FTCDNL1: variants seen among roughly 807,000 people sequenced by gnomAD.
FTCDNL1 encodes formiminotransferase N-terminal subdomain-containing protein.
In FTCDNL1, 11 loss-of-function variants were observed where a neutral mutation model predicts 5.9. The observed-to-expected ratio is 1.87, with a 90% CI of 1.18 to 3.10. FTCDNL1 has a LOEUF of 3.10. Among genes scored for constraint, FTCDNL1 ranks in the 30% most tolerant of loss-of-function variants. The pLI is 0.00. For missense variants in FTCDNL1, 115 were observed against 65.5 expected, an observed-to-expected ratio of 1.76 and a Z score of -2.61; for synonymous variants, 58 against 24.8, an observed-to-expected ratio of 2.34 and a Z score of -3.99.
the FTCDNL1 span, among the ~76,000 whole-genome samples, chr2:199,692,769 G>A: frequency 2.7e-5 from 4 of 145,624 alleles, no homozygotes; most frequent in African/African-American, 8.5e-5. Context: ...AATAAACTAT[G>A]TACCTCATAA....
chr2:199,814,778 T>C (rs568991359), intron 4 of FTCDNL1, among the ~76,000 whole-genome samples: 1 of 152,340 alleles, frequency 6.6e-6, no homozygotes, highest in East Asian at 1.9e-4. Flanking sequence ...AAAACGAGAC[T>C]CATTCTAAAA....
chr2:199,804,798 G>T (rs4564759), downstream of FTCDNL1, among the ~76,000 whole-genome samples: 2 of 152,110 alleles, frequency 1.3e-5, no homozygotes, highest in African/African-American at 4.8e-5. Flanking sequence ...AAGCCAGTCT[G>T]AACCCAATCA....
the FTCDNL1 span, among the ~76,000 whole-genome samples, chr2:199,747,641 CT>C: frequency 4.6e-5 from 7 of 151,650 alleles, no homozygotes; most frequent in African/African-American, 1.5e-4. Flanking sequence ...TCCAGGACCC[CT>C]TTTCCCCGGA....
intron 3 of FTCDNL1, among the ~76,000 whole-genome samples, chr2:199,836,688 T>C (rs1300780122): frequency 6.6e-6 from 1 of 151,830 alleles, no homozygotes; most frequent in Non-Finnish European, 1.5e-5. Flanking sequence ...ATCACTTGAG[T>C]CTGGAAGGTC....
At chr2:199,721,014 T>C in the FTCDNL1 span, among the ~76,000 whole-genome samples, 1 of 152,234 alleles carries the variant, frequency 6.6e-6, no homozygotes, top group African/African-American at 2.4e-5. Flanking sequence ...CCAGGTTTTC[T>C]GCAAATTTCA....
chr2:199,779,204 G>A (rs547697361), intron 3 of FTCDNL1, among the ~76,000 whole-genome samples: 126 of 152,256 alleles, frequency 8.3e-4, no homozygotes, highest in African/African-American at 3.0e-3. Context: ...TATCGGCTGG[G>A]CAAAAGACTA....
intron 3 of FTCDNL1, among the ~76,000 whole-genome samples, chr2:199,842,019 G>A (rs938650644): frequency 3.3e-5 from 5 of 152,072 alleles, no homozygotes; most frequent in African/African-American, 1.2e-4. Flanking sequence ...AGCACTTTGG[G>A]AGGCCGAGGC....
the FTCDNL1 span, among the ~76,000 whole-genome samples, chr2:199,724,857 CTGT>C: frequency 6.6e-6 from 1 of 152,006 alleles, no homozygotes; most frequent in Non-Finnish European, 1.5e-5. Context: ...AATGTATATT[CTGT>C]TGTTTTTGGG....
At chr2:199,767,058 T>TA (rs1698572257) in intron 3 of FTCDNL1, among the ~76,000 whole-genome samples, 2 of 152,266 alleles carry the variant, frequency 1.3e-5, no homozygotes, top group East Asian at 3.9e-4. Flanking sequence ...GACCCCAATA[T>TA]AAAAAAGTTA....
the FTCDNL1 span, among the ~76,000 whole-genome samples, chr2:199,683,623 C>T: frequency 9.9e-5 from 15 of 151,026 alleles, no homozygotes; most frequent in East Asian, 2.7e-3. Context: ...TTCTAGGAGC[C>T]CATAGTTGAC....
the FTCDNL1 span, among the ~76,000 whole-genome samples, chr2:199,712,795 C>A: frequency 6.6e-6 from 1 of 152,200 alleles, no homozygotes; most frequent in East Asian, 1.9e-4. Context: ...ACATGGCATT[C>A]TCCCCTCCAT....
chr2:199,731,443 G>A, the FTCDNL1 span, among the ~76,000 whole-genome samples: 3 of 152,192 alleles, frequency 2.0e-5, no homozygotes, highest in Non-Finnish European at 4.4e-5. Context: ...GTTAAAAGGT[G>A]AAGAAATTGA....
At chr2:199,721,411 G>C in the FTCDNL1 span, among the ~76,000 whole-genome samples, 1 of 152,094 alleles carries the variant, frequency 6.6e-6, no homozygotes, top group African/African-American at 2.4e-5. Context: ...GAGGATAATG[G>C]CTTCCAGGTC....
chr2:199,798,778 G>A (rs899296638), intron 3 of FTCDNL1, among the ~76,000 whole-genome samples: 5 of 152,166 alleles, frequency 3.3e-5, no homozygotes, highest in Non-Finnish European at 5.9e-5. Flanking sequence ...TTGCTTACAC[G>A]TCAACTACTG....
downstream of FTCDNL1, among the ~76,000 whole-genome samples, chr2:199,755,973 A>G (rs1170557701): frequency 6.6e-6 from 1 of 152,234 alleles, no homozygotes; most frequent in Non-Finnish European, 1.5e-5. Context: ...ATGTTCTAAA[A>G]TAAAATTAGG....
chr2:199,823,398 A>C (rs926499441), intron 3 of FTCDNL1, among the ~76,000 whole-genome samples: 11 of 152,260 alleles, frequency 7.2e-5, no homozygotes, highest in Middle Eastern at 3.4e-3. Context: ...CAAGGTTTTC[A>C]ATTTACTTTT....
At chr2:199,848,552 C>T (rs2076790671) in intron 2 of FTCDNL1, among the ~76,000 whole-genome samples, 1 of 152,212 alleles carries the variant, frequency 6.6e-6, no homozygotes, top group South Asian at 2.1e-4. Context: ...AATACATCCT[C>T]CCCAGGAGCC....
intron 3 of FTCDNL1, among the ~76,000 whole-genome samples, chr2:199,836,214 G>C (rs1702727517): frequency 6.6e-6 from 1 of 152,168 alleles, no homozygotes; most frequent in African/African-American, 2.4e-5. Flanking sequence ...GCCCAGGCTG[G>C]AGTACAAGTA....
At chr2:199,804,421 T>C (rs111373088), downstream of FTCDNL1, among the ~76,000 whole-genome samples, 3 of 152,238 alleles carry the variant, frequency 2.0e-5, no homozygotes, top group Non-Finnish European at 2.9e-5. Context: ...CAAAAGACTT[T>C]ACTTATTTAA....
Sources: allele counts gnomAD v4.1 joint callset (sites outside exome capture counted in the v4.1 genomes callset), GRCh38; gene constraint gnomAD v4.1.1; transcripts MANE v1.5; gene names NCBI Gene and HGNC (gene_info 2026-07-23, HGNC 2026-07-21).